The following ST3GAL1 variants were observed in gnomAD, a reference collection of about 807,000 sequenced individuals.
ST3GAL1 encodes the protein CMP-N-acetylneuraminate-beta-galactosamide-alpha-2,3-sialyltransferase 1.
Under a neutral mutation model 34.1 loss-of-function variants are expected in ST3GAL1, and 16 were observed. The observed-to-expected ratio is 0.47, with a 90% CI of 0.32 to 0.71. ST3GAL1 has a LOEUF of 0.71. Ranked by LOEUF, ST3GAL1 falls within the 30% of genes least tolerant of loss-of-function variation. ST3GAL1 has a pLI of 0.04. For synonymous variants in ST3GAL1, 191 were observed against 184.7 expected (o/e 1.03, Z -0.28); for missense variants, 353 against 447.4 (o/e 0.79, Z 1.90).
At chr8:133,563,233 C>A (rs2131112597) in intron 1 of ST3GAL1, among the ~76,000 whole-genome samples, 1 of 151,664 alleles carries the variant, frequency 6.6e-6, no homozygotes, top group African/African-American at 2.4e-5. Flanking sequence ...TATTTGTACA[C>A]CCCAATGTGT....
chr8:133,508,610 G>A lies in ST3GAL1; in HGVS notation c.-428-9421C>T, dbSNP rs1053827083. 1.3e-5 allele frequency among the ~76,000 whole-genome samples: 2 copies of A among 152,064 alleles called. No individual in the cohort carries two copies. ...AGACAATCTCAGAAGCAGGGCACTCGCTCAAATTCAGAGACCTTTCTCAAG... is the reference window on the plus strand; with the variant it reads ...AGACAATCTCAGAAGCAGGGCACTCACTCAAATTCAGAGACCTTTCTCAAG... On this transcript the variant is annotated intron_variant, in intron 2 of 9. Transcript: ENST00000522652. This position sits in a 1 kb window ranked among gnomAD's most constrained non-coding sequence, Gnocchi z 4.1.
At chr8:133,524,334 A>T (rs989274216) in intron 2 of ST3GAL1, among the ~76,000 whole-genome samples, 3 of 152,224 alleles carry the variant, frequency 2.0e-5, no homozygotes, top group Admixed American at 6.5e-5. Context: ...AAACCCAGGC[A>T]TTGTCCCCTA....
At chr8:133,514,628 C>G (rs934219460) in intron 2 of ST3GAL1, among the ~76,000 whole-genome samples, 1 of 151,996 alleles carries the variant, frequency 6.6e-6, no homozygotes, top group African/African-American at 2.4e-5. Context: ...CAAGGGCTCC[C>G]TAGAAGCTCC....
At chr8:133,472,868 A>C (rs1018592478) in intron 5 of ST3GAL1, among the ~76,000 whole-genome samples, 1 of 152,040 alleles carries the variant, frequency 6.6e-6, no homozygotes, top group African/African-American at 2.4e-5. Flanking sequence ...AAAAAAAAAA[A>C]ACCCACCTAA....
chr8:133,512,409 T>C (rs561933370), intron 2 of ST3GAL1, among the ~76,000 whole-genome samples: 1 of 152,378 alleles, frequency 6.6e-6, no homozygotes, highest in East Asian at 1.9e-4. Flanking sequence ...CTAGCCATGC[T>C]GGCAGCTGAT....
At chr8:133,562,266 G>A (rs1819249050) in intron 1 of ST3GAL1, among the ~76,000 whole-genome samples, 1 of 146,694 alleles carries the variant, frequency 6.8e-6, no homozygotes, top group African/African-American at 2.5e-5. Flanking sequence ...CTGGAGTGCA[G>A]TGGCAGGATC....
At position 133,541,118 on chromosome 8, in the gene ST3GAL1, T is replaced by TAGAGAGAGAGAGAGAGAGAG. The variant is rs1243400532; in HGVS notation, c.-429+4655_-429+4656insCTCTCTCTCTCTCTCTCTCT. Among the ~76,000 whole-genome samples, 92 of 52,154 alleles carry TAGAGAGAGAGAGAGAGAGAG rather than the reference T, an allele frequency of 1.8e-3. 5 individuals are homozygous for TAGAGAGAGAGAGAGAGAGAG. The highest frequency in any genetic ancestry group is 2.3e-3 in the Admixed American group (12 of 5,182). The allele number at this position is 52,154 out of a possible 152,430, so 34.2% of individuals were successfully genotyped here. On this transcript the variant is annotated intron_variant, in intron 2 of 9. Coordinates refer to ENST00000522652, the MANE Select transcript of ST3GAL1 (RefSeq NM_173344.3). The stretch of plus-strand genomic sequence containing the variant: ...AAACATATATATATATATATATATA[T>TAGAGAGAGAGAGAGAGAGAG]ATAGAGAGAGAGAGAGAGAGAGAGA...
At position 133,459,812 on chromosome 8, in the gene ST3GAL1, C is replaced by T. The variant is rs748280982; in HGVS notation, c.975G>A (p.Thr325=). 4.1e-5 allele frequency: 66 copies of T among 1,613,632 alleles called. No individual in the cohort carries two copies. Among genetic ancestry groups the T allele is most frequent in the South Asian group, 6.6e-5 (6 of 91,010 alleles). The change falls in exon 10 of 10, where the codon ACG becomes ACA. Residue 325 remains threonine, a synonymous_variant. Transcript: ENST00000522652. The surrounding 1 kb of genome is among the most constrained non-coding windows in gnomAD (Gnocchi z 4.7). ...TTTTATTGATGGAGGCCAAGGTGGC[C>T]GTCACGTTAGACTCAAAGTCTGCAT... ...VHDADFESNV[T]ATLASINKIR...
intron 1 of ST3GAL1, among the ~76,000 whole-genome samples, chr8:133,562,674 G>A (rs1819262286): frequency 1.3e-5 from 2 of 152,118 alleles, no homozygotes; most frequent in South Asian, 4.1e-4. Flanking sequence ...TAGGGCTCCA[G>A]CACACTAAAG....
chr8:133,472,812 G>A (rs901511225), intron 5 of ST3GAL1, among the ~76,000 whole-genome samples: 2 of 151,222 alleles, frequency 1.3e-5, no homozygotes, highest in African/African-American at 4.9e-5. Flanking sequence ...TCTGGTAAAT[G>A]GGAAACAACT....
At chr8:133,462,018 C>A (rs761130092) in intron 8 of ST3GAL1, 24 bp from the exon 9 acceptor site, 4 of 1,613,720 alleles carry the variant, frequency 2.5e-6, no homozygotes, top group Non-Finnish European at 3.4e-6. Context: ...AAGACACGGC[C>A]CTTAGTGAGT....
chr8:133,556,131 G>A lies in ST3GAL1; in HGVS notation c.-581-10205C>T, dbSNP rs557631942. Among the ~76,000 whole-genome samples, 1 of 152,152 alleles carries A rather than the reference G, an allele frequency of 6.6e-6. No homozygotes were observed. Among genetic ancestry groups the A allele is most frequent in the African/African-American group, 2.4e-5 (1 of 41,506 alleles). ...GGCTGATCTCGAACTCCTGAGCTCA[G>A]GCAATCCACCCATCTCGGCCTCCCA... On this transcript the variant is annotated intron_variant, in intron 1 of 9. Coordinates refer to ENST00000522652, the MANE Select transcript of ST3GAL1 (RefSeq NM_173344.3). This position sits in a 1 kb window ranked among gnomAD's most constrained non-coding sequence, Gnocchi z 8.9.
At chr8:133,551,951 TCATATGACTGATAAAGGCTGGAGC>T (rs1226478399) in intron 1 of ST3GAL1, among the ~76,000 whole-genome samples, 6 of 152,172 alleles carry the variant, frequency 3.9e-5, no homozygotes, top group Non-Finnish European at 7.3e-5. Context: ...TTGCTCAAGG[TCATATGACTGATAAAGGCTGGAGC>T]CTGAATGATT....
In ST3GAL1 at chr8:133,480,210, C is replaced by A. The variant is rs1031270560; in HGVS notation, c.-373-3610G>T. On this transcript the variant is annotated intron_variant, in intron 3 of 9. Coordinates refer to ENST00000522652, the MANE Select transcript of ST3GAL1 (RefSeq NM_173344.3). Reference sequence around the variant, plus strand: ...CATGAAGCACCTGCACACAACAGAGCTTAGCGGGGTCACCAGCACAAGACT... The same window carrying A: ...CATGAAGCACCTGCACACAACAGAGATTAGCGGGGTCACCAGCACAAGACT... Among the ~76,000 whole-genome samples, 5 of 152,354 alleles carry A rather than the reference C, an allele frequency of 3.3e-5. No homozygotes were observed. The East Asian group carries it at 7.7e-4, about 24-fold the overall frequency.
intron 2 of ST3GAL1, among the ~76,000 whole-genome samples, chr8:133,511,243 G>A (rs934581913): frequency 3.9e-5 from 6 of 152,224 alleles, no homozygotes; most frequent in East Asian, 1.9e-4. Flanking sequence ...TGGGCTTGGG[G>A]ACTTTAATTA....
Position 133,457,417 on chromosome 8 carries a change from G to GT in ST3GAL1, c.*2346dup, listed in dbSNP as rs1815340554. 1 of 152,206 alleles carries GT rather than the reference G, an allele frequency of 6.6e-6. No homozygotes were observed. Among genetic ancestry groups the GT allele is most frequent in the Non-Finnish European group, 1.5e-5 (1 of 68,058 alleles). The allele number at this position is 152,206 out of a possible 1,614,324, so 9.4% of individuals were successfully genotyped here. A position where few individuals can be genotyped will look rare whatever the true frequency, so the allele number is the denominator to read the frequency against. ...AGTTGAGGAGATAGCATCGCTCTCTGTATCAGTGTCTGATGATCTGGAGTC... is the reference window on the plus strand; with the variant it reads ...AGTTGAGGAGATAGCATCGCTCTCTGTTATCAGTGTCTGATGATCTGGAGTC... On this transcript the variant is annotated 3_prime_UTR_variant, in exon 10 of 10. Coordinates refer to ENST00000522652, the MANE Select transcript of ST3GAL1 (RefSeq NM_173344.3).
chr8:133,520,954 G>C (rs1369130885), intron 2 of ST3GAL1, among the ~76,000 whole-genome samples: 1 of 114,638 alleles, frequency 8.7e-6, no homozygotes, highest in Non-Finnish European at 1.8e-5. Flanking sequence ...GTTTTTGTGG[G>C]TTGTTTTTTT....
At chr8:133,532,614 A>G (rs533405355) in intron 2 of ST3GAL1, among the ~76,000 whole-genome samples, 3 of 152,324 alleles carry the variant, frequency 2.0e-5, no homozygotes, top group African/African-American at 7.2e-5. Context: ...GCTACTTGGG[A>G]CCAATCAATA....
chr8:133,510,216 G>A (rs1157581035), intron 2 of ST3GAL1, among the ~76,000 whole-genome samples: 1 of 152,192 alleles, frequency 6.6e-6, no homozygotes, highest in Non-Finnish European at 1.5e-5. Context: ...AACAACTGAA[G>A]ATGAATCCTG....
Sources: allele counts gnomAD v4.1 joint callset (sites outside exome capture counted in the v4.1 genomes callset), GRCh38; gene constraint gnomAD v4.1.1; non-coding constraint Gnocchi (gnomAD v3.1); transcripts MANE v1.5; gene names NCBI Gene and HGNC (gene_info 2026-07-23, HGNC 2026-07-21).